The following GALNT1 variants were observed in gnomAD, a reference collection of about 807,000 sequenced individuals.
GALNT1 encodes GalNAc transferase 1.
In GALNT1, 17 loss-of-function variants were observed where a neutral mutation model predicts 65.7. The ratio of observed to expected loss-of-function variants is 0.26; its 90% CI spans 0.18 to 0.39. GALNT1 has a LOEUF of 0.39. Among genes scored for constraint, GALNT1 ranks in the 10% least tolerant of loss-of-function variants. The pLI is 1.00. For missense variants in GALNT1, 460 were observed against 672.8 expected (o/e 0.68, Z 3.50); for synonymous variants, 210 against 219.7 (o/e 0.96, Z 0.39).
rs1395356966 is a variant in GALNT1, at chr18:35,599,750, A to G, written c.-104+17888A>G. On this transcript the variant is annotated intron_variant, in intron 1 of 11. Transcript: ENST00000269195. The stretch of plus-strand genomic sequence containing the variant: ...GCTTTATTCTTCTGTGTATGGTCAT[A>G]TAGTTTTCCCAGCTGGATTTATTGA... 9.2e-5 allele frequency among the ~76,000 whole-genome samples: 14 copies of G among 152,316 alleles called. No homozygotes were observed. The South Asian group carries it at 1.2e-3, about 14-fold the overall frequency.
intron 1 of GALNT1, among the ~76,000 whole-genome samples, chr18:35,630,702 T>C (rs2046994217): frequency 1.3e-5 from 2 of 151,798 alleles, no homozygotes; most frequent in Non-Finnish European, 2.9e-5. Context: ...ATAACTAAGA[T>C]CAGAGCAGAA....
At chr18:35,699,792 A>C (rs2048125374) in intron 9 of GALNT1, among the ~76,000 whole-genome samples, 1 of 152,136 alleles carries the variant, frequency 6.6e-6, no homozygotes, top group Non-Finnish European at 1.5e-5. Context: ...CAAATGTCAG[A>C]TTTTGAATAA....
intron 1 of GALNT1, among the ~76,000 whole-genome samples, chr18:35,632,468 C>A (rs2047027685): frequency 6.6e-6 from 1 of 151,906 alleles, no homozygotes; most frequent in Non-Finnish European, 1.5e-5. Context: ...CCTATTTAAC[C>A]AATGGTGCTG....
chr18:35,703,079 G>A (rs972874390), intron 10 of GALNT1, 84 bp downstream of exon 10: 11 of 716,760 alleles, frequency 1.5e-5, no homozygotes, highest in Non-Finnish European at 2.2e-5. Context: ...ACATCATTCA[G>A]GAAATATTTT....
chr18:35,700,257 C>T (rs555491715), intron 9 of GALNT1, among the ~76,000 whole-genome samples: 65 of 152,326 alleles, frequency 4.3e-4, no homozygotes, highest in African/African-American at 1.4e-3. Flanking sequence ...TACAAAGAAG[C>T]CACATATTTG....
At chr18:35,626,762 GATGGCTT>G (rs1402068582) in intron 1 of GALNT1, among the ~76,000 whole-genome samples, 1 of 152,172 alleles carries the variant, frequency 6.6e-6, no homozygotes, top group African/African-American at 2.4e-5. Context: ...GCATGTTGAT[GATGGCTT>G]CCCCCATGGC....
At chr18:35,666,943 T>A (rs2047557503) in intron 3 of GALNT1, among the ~76,000 whole-genome samples, 1 of 151,730 alleles carries the variant, frequency 6.6e-6, no homozygotes, top group Admixed American at 6.6e-5. Flanking sequence ...ATAACCTTTT[T>A]TAAAAAAAAA....
intron 1 of GALNT1, among the ~76,000 whole-genome samples, chr18:35,629,046 T>A (rs1453883704): frequency 2.6e-5 from 4 of 152,172 alleles, no homozygotes; most frequent in African/African-American, 9.7e-5. Context: ...GAACAAAGCC[T>A]CCAAGAAATA....
chr18:35,634,561 C>T (rs2047064580), intron 1 of GALNT1, among the ~76,000 whole-genome samples: 1 of 152,156 alleles, frequency 6.6e-6, no homozygotes, highest in African/African-American at 2.4e-5. Flanking sequence ...ACAGGATGTA[C>T]ATAATTCTTC....
intron 1 of GALNT1, among the ~76,000 whole-genome samples, chr18:35,620,220 C>T (rs2046834245): frequency 6.6e-6 from 1 of 152,122 alleles, no homozygotes; most frequent in Non-Finnish European, 1.5e-5. Flanking sequence ...CAGCTCCATC[C>T]GTTGTGTTTG....
At chr18:35,627,739 G>A (rs1489910896) in intron 1 of GALNT1, among the ~76,000 whole-genome samples, 2 of 150,252 alleles carry the variant, frequency 1.3e-5, no homozygotes, top group Admixed American at 6.6e-5. Flanking sequence ...AGGACAGTGG[G>A]TGTAGCACAC....
chr18:35,632,217 G>A lies in GALNT1; in HGVS notation c.-103-22343G>A, dbSNP rs555230127. Among the ~76,000 whole-genome samples, 1,107 of 152,056 alleles carry A rather than the reference G, an allele frequency of 7.3e-3. 14 individuals are homozygous for A. Among genetic ancestry groups the A allele is most frequent in the African/African-American group, 0.025 (1,018 of 41,486 alleles). ...AAAACTACTTTAAAGTTCATATGGA[G>A]CCAAAAAAGAGCCCACATTGTCAAG... On this transcript the variant is annotated intron_variant, in intron 1 of 11. Transcript: ENST00000269195.
intron 1 of GALNT1, among the ~76,000 whole-genome samples, chr18:35,633,844 G>A (rs1304638416): frequency 6.6e-6 from 1 of 152,128 alleles, no homozygotes; most frequent in Non-Finnish European, 1.5e-5. Flanking sequence ...TCTGATTAGG[G>A]AGGTCAATCT....
intron 3 of GALNT1, among the ~76,000 whole-genome samples, chr18:35,671,093 A>G (rs1229303490): frequency 1.3e-5 from 2 of 152,182 alleles, no homozygotes; most frequent in East Asian, 1.9e-4. Flanking sequence ...TATTTGTACT[A>G]GATGGCTGGA....
rs1156665780 is a variant in GALNT1, at chr18:35,654,550, TTCTC to T, written c.-103-8_-103-5del. 4.9e-5 allele frequency: 22 copies of T among 445,616 alleles called. No homozygotes were observed. The highest frequency in any genetic ancestry group is 6.8e-5 in the Non-Finnish European group (20 of 292,780). The allele number at this position is 445,616 out of a possible 1,614,324, so 27.6% of individuals were successfully genotyped here. On this transcript the variant is annotated splice_polypyrimidine_tract_variant and splice_region_variant and intron_variant, in intron 1 of 11. Coordinates refer to ENST00000269195, the MANE Select transcript of GALNT1 (RefSeq NM_020474.4). ...TTTAAGTTAATCTTTTTTCCTTTCT[TTCTC>T]TATAGGGTATGAACGTGATTTCTGA...
At chr18:35,619,284 T>A (rs1307481033) in intron 1 of GALNT1, among the ~76,000 whole-genome samples, 2 of 152,224 alleles carry the variant, frequency 1.3e-5, no homozygotes, top group Non-Finnish European at 2.9e-5. Context: ...GGTTTTTATT[T>A]GTTCTGTTGA....
chr18:35,677,293 A>G (rs769799925), intron 3 of GALNT1, among the ~76,000 whole-genome samples: 1 of 152,206 alleles, frequency 6.6e-6, no homozygotes, highest in Non-Finnish European at 1.5e-5. Context: ...TGGGCAGATA[A>G]TATAGCTTTA....
At chr18:35,686,989 T>C in intron 5 of GALNT1, 27 bp from the exon 6 acceptor site, 3 of 1,589,640 alleles carry the variant, frequency 1.9e-6, no homozygotes, top group South Asian at 2.3e-5. Flanking sequence ...TTTTGAAAGA[T>C]TTCTTAACTT....
At chr18:35,696,936 AT>A (rs1321208879) in intron 9 of GALNT1, among the ~76,000 whole-genome samples, 1 of 152,238 alleles carries the variant, frequency 6.6e-6, no homozygotes, top group Non-Finnish European at 1.5e-5. Context: ...CCTAATGGAG[AT>A]ACTGATTCTG....
Sources: gnomAD v4.1 joint callset for allele counts (sites outside exome capture counted in the v4.1 genomes callset) on GRCh38, gnomAD v4.1.1 for gene constraint, MANE v1.5 for transcripts, NCBI Gene and HGNC (gene_info 2026-07-23, HGNC 2026-07-21) for gene names.